The following MDGA2 variants were observed in gnomAD, a reference collection of about 807,000 sequenced individuals.
MDGA2 encodes the protein MAM domain-containing glycosylphosphatidylinositol anchor protein 2.
In MDGA2, 40 loss-of-function variants were observed where a neutral mutation model predicts 117.8. That is an observed-to-expected ratio of 0.34 (90% CI 0.26 to 0.44). The LOEUF (loss-of-function observed/expected upper bound fraction) is 0.44, where lower values mean the gene tolerates loss of function less well. MDGA2 is among the 20% of genes least tolerant of loss of function. MDGA2 has a pLI of 1.00. For missense variants in MDGA2, 1,123 were observed against 1,250.6 expected (o/e 0.90, Z 1.54); for synonymous variants, 452 against 439.0 (o/e 1.03, Z -0.37).
chr14:47,050,352 A>G (rs973659842), intron 7 of MDGA2, among the ~76,000 whole-genome samples: 4 of 152,168 alleles, frequency 2.6e-5, no homozygotes, highest in Middle Eastern at 6.8e-3. Flanking sequence ...TAACCTAGCA[A>G]TGAGAATGTA....
chr14:47,147,871 C>A (rs1351564714), intron 3 of MDGA2, among the ~76,000 whole-genome samples: 3 of 152,090 alleles, frequency 2.0e-5, no homozygotes, highest in Admixed American at 6.6e-5. Flanking sequence ...TGCGCTAGTA[C>A]ATTTTTTGGT....
At chr14:47,027,823 C>T (rs1053509082) in intron 8 of MDGA2, among the ~76,000 whole-genome samples, 1 of 151,848 alleles carries the variant, frequency 6.6e-6, no homozygotes, top group African/African-American at 2.4e-5. Context: ...TATATTCATC[C>T]TAGAAACATT....
At chr14:47,173,196 G>A (rs1170351538) in intron 3 of MDGA2, among the ~76,000 whole-genome samples, 1 of 152,176 alleles carries the variant, frequency 6.6e-6, no homozygotes, top group Non-Finnish European at 1.5e-5. Context: ...AAGTGACGGG[G>A]AGAATGGAAC....
chr14:46,931,821 C>A (rs1276594041), intron 9 of MDGA2, among the ~76,000 whole-genome samples: 3 of 152,038 alleles, frequency 2.0e-5, no homozygotes, highest in Non-Finnish European at 4.4e-5. Context: ...CTGCACCCAG[C>A]CTACTTTTGT....
At chr14:46,919,859 A>C (rs1210742141) in intron 10 of MDGA2, among the ~76,000 whole-genome samples, 153 bp downstream of exon 10, 1 of 151,074 alleles carries the variant, frequency 6.6e-6, no homozygotes, top group African/African-American at 2.5e-5. Context: ...TAATATACAT[A>C]GGGTGAAAAC....
chr14:47,649,236 C>G (rs906656072), intron 1 of MDGA2, among the ~76,000 whole-genome samples: 3 of 152,124 alleles, frequency 2.0e-5, no homozygotes, highest in African/African-American at 7.2e-5. Context: ...AACTTTCTTA[C>G]TGTTCTATTA....
chr14:47,411,668 A>G (rs1270350433), intron 1 of MDGA2, among the ~76,000 whole-genome samples: 1 of 152,212 alleles, frequency 6.6e-6, no homozygotes, highest in African/African-American at 2.4e-5. Flanking sequence ...CAGTAGGCGC[A>G]TGAAGGAGCA....
At chr14:46,974,315 A>G (rs1450599164) in intron 8 of MDGA2, among the ~76,000 whole-genome samples, 2 of 152,186 alleles carry the variant, frequency 1.3e-5, no homozygotes, top group African/African-American at 4.8e-5. Context: ...ACGTATGCAG[A>G]TTCAACGCAA....
At chr14:46,921,583 C>A (rs569155485) in intron 9 of MDGA2, among the ~76,000 whole-genome samples, 1 of 147,648 alleles carries the variant, frequency 6.8e-6, no homozygotes, top group Non-Finnish European at 1.5e-5. Context: ...TGTGCCACTG[C>A]ACTCCAGCCT....
intron 8 of MDGA2, among the ~76,000 whole-genome samples, chr14:46,994,514 AACAC>A (rs60903573): frequency 0.68 from 102,553 of 149,936 alleles, 36,354 homozygotes; most frequent in East Asian, 0.82. Flanking sequence ...CACACATACA[AACAC>A]ACACACACAC....
intron 1 of MDGA2, among the ~76,000 whole-genome samples, chr14:47,328,308 C>T (rs1890200413): frequency 6.6e-6 from 1 of 152,122 alleles, no homozygotes; most frequent in South Asian, 2.1e-4. Flanking sequence ...TTGTCAACTG[C>T]TATGAAATCC....
intron 2 of MDGA2, among the ~76,000 whole-genome samples, chr14:47,280,115 G>C (rs186966812): frequency 6.6e-6 from 1 of 151,720 alleles, no homozygotes; most frequent in Admixed American, 6.6e-5. Context: ...GAGAATTCAA[G>C]ACTAGCCTGA....
chr14:47,157,197 C>T (rs563907836), intron 3 of MDGA2, among the ~76,000 whole-genome samples: 9 of 152,216 alleles, frequency 5.9e-5, no homozygotes, highest in East Asian at 1.9e-4. Context: ...TTTTGAATAA[C>T]GGGTAATCTT....
intron 6 of MDGA2, among the ~76,000 whole-genome samples, chr14:47,075,474 A>T (rs752927452): frequency 2.6e-5 from 4 of 152,206 alleles, no homozygotes; most frequent in Non-Finnish European, 4.4e-5. Flanking sequence ...ATTAACCTGA[A>T]CAAATTTGTT....
chr14:46,991,599 T>C (rs539546762), intron 8 of MDGA2, among the ~76,000 whole-genome samples: 19 of 152,272 alleles, frequency 1.2e-4, no homozygotes, highest in African/African-American at 4.1e-4. Flanking sequence ...AAAAAGTTAA[T>C]GATGTCTGTG....
At chr14:47,554,140 A>G (rs1004933293) in intron 1 of MDGA2, among the ~76,000 whole-genome samples, 3 of 152,280 alleles carry the variant, frequency 2.0e-5, no homozygotes, top group South Asian at 4.1e-4. Flanking sequence ...GAGTTCCATT[A>G]GAGGTGATAT....
chr14:47,037,201 C>CTT (rs1888886599), intron 7 of MDGA2, among the ~76,000 whole-genome samples: 2 of 152,190 alleles, frequency 1.3e-5, no homozygotes, highest in Non-Finnish European at 2.9e-5. Context: ...TGCAGAATAA[C>CTT]CTCAGCATTT....
chr14:47,236,486 GT>G (rs1009335518), intron 2 of MDGA2, among the ~76,000 whole-genome samples: 2 of 152,092 alleles, frequency 1.3e-5, no homozygotes, highest in Non-Finnish European at 2.9e-5. Flanking sequence ...ATAAAGAAAT[GT>G]TAAGTAGGCA....
chr14:47,382,448 C>G (rs1243260810), intron 1 of MDGA2, among the ~76,000 whole-genome samples: 1 of 152,184 alleles, frequency 6.6e-6, no homozygotes, highest in African/African-American at 2.4e-5. Context: ...TTTTTACAAT[C>G]TACCCATCTG....
Sources: allele counts gnomAD v4.1 joint callset (sites outside exome capture counted in the v4.1 genomes callset), GRCh38; gene constraint gnomAD v4.1.1; transcripts MANE v1.5; gene names NCBI Gene and HGNC (gene_info 2026-07-23, HGNC 2026-07-21).